ANKRD42: variants seen among roughly 807,000 people sequenced by gnomAD.
ANKRD42 encodes the protein ankyrin repeat domain-containing protein 42.
ANKRD42 carries 43 observed loss-of-function variants against 51.5 expected under a neutral mutation model. The ratio of observed to expected loss-of-function variants is 0.83; its 90% confidence interval spans 0.65 to 1.08. The LOEUF (loss-of-function observed/expected upper bound fraction) is 1.08, where lower values mean the gene tolerates loss of function less well. Among genes scored for constraint, ANKRD42 ranks in the 50% least tolerant of loss-of-function variants. The probability of loss-of-function intolerance (pLI) is 0.00; values close to 1 mark genes in which losing one functional copy is unlikely to be tolerated. For missense variants in ANKRD42, 608 were observed against 629.3 expected, an observed-to-expected ratio of 0.97 and a Z score of 0.36; for synonymous variants, 203 against 213.0, an observed-to-expected ratio of 0.95 and a Z score of 0.41.
At position 83,254,295 on chromosome 11, in the gene ANKRD42, C is replaced by T. The variant is rs1032679895; in HGVS notation, c.1465-1550C>T. 2.6e-4 allele frequency among the ~76,000 whole-genome samples: 39 copies of T among 151,928 alleles called. 1 individual carries two copies. The highest frequency in any genetic ancestry group is 3.7e-4 in the Non-Finnish European group (25 of 67,976). Reference sequence around the variant, plus strand: ...CTGCCTGTTTCTGGAAGTCATAACTCTATTAAAGCACTAGGAAATTGGCTA... The same window carrying T: ...CTGCCTGTTTCTGGAAGTCATAACTTTATTAAAGCACTAGGAAATTGGCTA... On this transcript the variant is annotated intron_variant, in intron 11 of 11. Coordinates refer to the ANKRD42 transcript ENST00000260047.
intron 5 of ANKRD42, among the ~76,000 whole-genome samples, chr11:83,215,503 G>A (rs906628909): frequency 1.3e-5 from 2 of 151,972 alleles, no homozygotes; most frequent in Non-Finnish European, 2.9e-5. Flanking sequence ...TTTTCTGGTT[G>A]TTTTGTAACT....
intron 3 of ANKRD42, chr11:83,209,495 C>G: frequency 8.5e-7 from 1 of 1,176,990 alleles, no homozygotes; most frequent in Non-Finnish European, 1.3e-6. Context: ...CAAGCTGGTC[C>G]GTAAAACCCA....
chr11:83,205,967 G>A (rs1034989888), intron 2 of ANKRD42, 91 bp from the exon 3 acceptor site: 13 of 1,041,624 alleles, frequency 1.2e-5, no homozygotes, highest in Non-Finnish European at 1.9e-5. Flanking sequence ...ATTCACTACA[G>A]TCTGCTATTT....
intron 10 of ANKRD42, 81 bp downstream of exon 10, chr11:83,245,705 T>C: frequency 7.1e-7 from 1 of 1,412,846 alleles, no homozygotes. Context: ...CAGCAACTTT[T>C]ACTTTCATCT....
chr11:83,245,782 T>G (rs575125976), intron 10 of ANKRD42, among the ~76,000 whole-genome samples, 158 bp downstream of exon 10: 1 of 152,338 alleles, frequency 6.6e-6, no homozygotes, highest in East Asian at 1.9e-4. Flanking sequence ...GAGTTAAAAT[T>G]TTTAAATAAT....
At position 83,194,735 on chromosome 11, in the gene ANKRD42, C is replaced by CA; in HGVS notation, c.58+8dup. 1 of 1,581,016 alleles carries CA rather than the reference C, an allele frequency of 6.3e-7. No individual in the cohort carries two copies. Among genetic ancestry groups the CA allele is most frequent in the Non-Finnish European group, 8.6e-7 (1 of 1,164,122 alleles). On this transcript the variant is annotated splice_region_variant and intron_variant, in intron 1 of 10. Transcript: ENST00000533342. ...AGGGAGACTGCAAACCCCTGTGAGT[C>CA]AGACTGTCATTGGCCTTCATCTCTG...
intron 2 of ANKRD42, among the ~76,000 whole-genome samples, chr11:83,202,607 T>C (rs538765747): frequency 6.6e-6 from 1 of 152,262 alleles, no homozygotes; most frequent in Non-Finnish European, 1.5e-5. Context: ...TTCATCTGCC[T>C]GTCTCATCTC....
intron 5 of ANKRD42, chr11:83,212,708 A>T: frequency 6.5e-7 from 1 of 1,536,130 alleles, no homozygotes; most frequent in South Asian, 1.2e-5. Context: ...TGCTGGACTT[A>T]CATAATTTGG....
At chr11:83,231,375 G>T (rs752087602) in intron 7 of ANKRD42, among the ~76,000 whole-genome samples, 4 of 152,102 alleles carry the variant, frequency 2.6e-5, no homozygotes, top group Non-Finnish European at 4.4e-5. Context: ...AGAAATGTCT[G>T]TTCAGATCTT....
intron 5 of ANKRD42, among the ~76,000 whole-genome samples, chr11:83,221,716 A>T (rs1862722756): frequency 6.6e-6 from 1 of 152,156 alleles, no homozygotes; most frequent in Non-Finnish European, 1.5e-5. Flanking sequence ...GCAGTATGGG[A>T]ATGCTTGCTA....
chr11:83,220,249 T>TA (rs899654763), intron 5 of ANKRD42, among the ~76,000 whole-genome samples: 2 of 152,184 alleles, frequency 1.3e-5, no homozygotes, highest in Non-Finnish European at 2.9e-5. Context: ...GGTCGGGGGT[T>TA]GTTAGAGAGC....
chr11:83,227,294 G>A (rs1862916878), intron 6 of ANKRD42, among the ~76,000 whole-genome samples: 1 of 151,702 alleles, frequency 6.6e-6, no homozygotes, highest in African/African-American at 2.4e-5. Flanking sequence ...TGTATTTTTA[G>A]TAGAGACAGG....
At chr11:83,210,255 A>G (rs368253826) in intron 3 of ANKRD42, 45 bp from the exon 4 acceptor site, 3 of 1,578,408 alleles carry the variant, frequency 1.9e-6, no homozygotes, top group Non-Finnish European at 2.6e-6. Flanking sequence ...TTTATGGTTT[A>G]ACATCTATAC....
chr11:83,256,886 G>C (rs1032566913), downstream of ANKRD42, among the ~76,000 whole-genome samples: 45 of 152,086 alleles, frequency 3.0e-4, no homozygotes, highest in African/African-American at 1.0e-3. Flanking sequence ...GCTCTGCATT[G>C]TTGTGTAATC....
In ANKRD42 at chr11:83,246,172, T is replaced by A. The variant is rs542358003; in HGVS notation, c.1322+548T>A. Among the ~76,000 whole-genome samples the A allele has an allele frequency of 9.2e-5, 14 of 152,308 alleles. 1 individual carries two copies. Among genetic ancestry groups the A allele is most frequent in the African/African-American group, 3.4e-4 (14 of 41,572 alleles). On this transcript the variant is annotated intron_variant, in intron 10 of 10. Transcript: ENST00000533342. ...CATCATGGATGCAACCAAACTTGGATAGATAATAATCAGGAAAAAGAAATA... is the reference window on the plus strand; with the variant it reads ...CATCATGGATGCAACCAAACTTGGAAAGATAATAATCAGGAAAAAGAAATA...
At chr11:83,257,421 C>T (rs1591018560), downstream of ANKRD42, 1 of 416,750 alleles carries the variant, frequency 2.4e-6, no homozygotes, top group Admixed American at 3.0e-5. Context: ...GAATTGAAGT[C>T]AGAACTGAAC....
rs757316444 is a variant in ANKRD42, at chr11:83,194,542, C to A, written c.-129C>A. On this transcript the variant is annotated 5_prime_UTR_variant, in exon 1 of 11. Coordinates refer to ENST00000533342, the MANE Select transcript of ANKRD42 (RefSeq NM_001300975.2). ...GGAGAGAGCAAGAGAGGACCTTGGGCCCCGTCCTAGTGACGACGGAGAAGA... is the reference window on the plus strand; with the variant it reads ...GGAGAGAGCAAGAGAGGACCTTGGGACCCGTCCTAGTGACGACGGAGAAGA... 6 of 868,808 alleles carry A rather than the reference C, an allele frequency of 6.9e-6. No homozygotes were observed. Among genetic ancestry groups the A allele is most frequent in the South Asian group, 6.9e-5 (5 of 72,574 alleles). 53.8% of individuals were successfully genotyped at this position (868,808 alleles called of 1,614,324 possible).
chr11:83,245,311 C>T (rs1377962417), intron 9 of ANKRD42, among the ~76,000 whole-genome samples, 187 bp from the exon 10 acceptor site: 1 of 152,206 alleles, frequency 6.6e-6, no homozygotes, highest in South Asian at 2.1e-4. Context: ...TATTCCATTG[C>T]GTGCTCATTT....
Position 83,248,378 on chromosome 11 carries a change from GTCTA to G in ANKRD42, c.*182_*185del, listed in dbSNP as rs200803937. On this transcript the variant is annotated 3_prime_UTR_variant, in exon 11 of 11. Coordinates refer to ENST00000533342, the MANE Select transcript of ANKRD42 (RefSeq NM_001300975.2). ...ACTTTCTAGATACATACACACATCTGTCTATCTATCTTCAAACAGCAGCCTAGTT... is the reference window on the plus strand; with the variant it reads ...ACTTTCTAGATACATACACACATCTGTCTATCTTCAAACAGCAGCCTAGTT... 48,119 of 1,307,698 alleles carry G rather than the reference GTCTA, an allele frequency of 0.037. 1,052 individuals are homozygous for G. Among genetic ancestry groups the G allele is most frequent in the Non-Finnish European group, 0.041 (42,753 of 1,034,912 alleles). The allele number at this position is 1,307,698 out of a possible 1,614,324, so 81.0% of individuals were successfully genotyped here.
Sources: gnomAD v4.1 joint callset for allele counts (sites outside exome capture counted in the v4.1 genomes callset) on GRCh38, gnomAD v4.1.1 for gene constraint, MANE v1.5 for transcripts, NCBI Gene and HGNC (gene_info 2026-07-23, HGNC 2026-07-21) for gene names.